GRIK1: variants seen among roughly 807,000 people sequenced by gnomAD.
GRIK1 encodes the protein glutamate receptor ionotropic, kainate 1.
In GRIK1, 69 loss-of-function variants were observed where a neutral mutation model predicts 105.7. The ratio of observed to expected loss-of-function variants is 0.65; its 90% CI spans 0.54 to 0.80. The LOEUF is 0.80. Among genes scored for constraint, GRIK1 ranks in the 30% least tolerant of loss-of-function variants. GRIK1 has a pLI of 0.00. For synonymous variants in GRIK1, 438 were observed against 431.3 expected, an observed-to-expected ratio of 1.02 and a Z score of -0.19; for missense variants, 1,109 against 1,167.3, an observed-to-expected ratio of 0.95 and a Z score of 0.73.
At chr21:29,759,274 T>C (rs958680784) in intron 1 of GRIK1, among the ~76,000 whole-genome samples, 1 of 151,894 alleles carries the variant, frequency 6.6e-6, no homozygotes, top group African/African-American at 2.4e-5. Flanking sequence ...CCCGCCACCA[T>C]GCCCGGCTAA....
intron 1 of GRIK1, among the ~76,000 whole-genome samples, chr21:29,795,701 C>A (rs2066536821): frequency 6.6e-6 from 1 of 152,216 alleles, no homozygotes; most frequent in Non-Finnish European, 1.5e-5. Flanking sequence ...CTTGACACTT[C>A]CTACACAGAA....
chr21:29,664,535 C>A lies in GRIK1; in HGVS notation c.726+8448G>T, dbSNP rs547286313. On this transcript the variant is annotated intron_variant, in intron 4 of 17. Coordinates refer to ENST00000327783, the MANE Select transcript of GRIK1 (RefSeq NM_001330994.2). ...AACCTTCACTAAATAATGATCTCGT[C>A]TAACACATTAGAGTTTTTAATGATA... Among the ~76,000 whole-genome samples, 5 of 152,044 alleles carry A rather than the reference C, an allele frequency of 3.3e-5. No homozygotes were observed. In the South Asian group the frequency reaches 1.0e-3, roughly 32 times the overall value.
chr21:29,691,264 T>C (rs2063579682), intron 2 of GRIK1, among the ~76,000 whole-genome samples: 2 of 152,206 alleles, frequency 1.3e-5, no homozygotes, highest in African/African-American at 4.8e-5. Flanking sequence ...TGAACTGAGA[T>C]AGCACCACAG....
At chr21:29,923,856 G>T (rs539247353) in intron 1 of GRIK1, among the ~76,000 whole-genome samples, 1 of 152,124 alleles carries the variant, frequency 6.6e-6, no homozygotes, top group Admixed American at 6.5e-5. Context: ...TATCTGAAAG[G>T]TTCAGAGGGG....
intron 14 of GRIK1, among the ~76,000 whole-genome samples, chr21:29,576,115 T>A (rs1013267143): frequency 1.3e-5 from 2 of 152,210 alleles, no homozygotes; most frequent in African/African-American, 4.8e-5. Context: ...TAATTTAGCT[T>A]CTGAAGGTTT....
chr21:29,887,453 C>T (rs972572199), intron 1 of GRIK1, among the ~76,000 whole-genome samples: 10 of 152,154 alleles, frequency 6.6e-5, no homozygotes, highest in African/African-American at 2.2e-4. Flanking sequence ...TAAGTAGTCA[C>T]CTGGTGATGT....
intron 1 of GRIK1, among the ~76,000 whole-genome samples, chr21:29,807,220 G>C (rs1295942836): frequency 2.0e-5 from 3 of 152,122 alleles, no homozygotes; most frequent in Non-Finnish European, 2.9e-5. Context: ...TATTTATGGA[G>C]AGCCAATGAT....
chr21:29,899,530 T>C (rs1341069629), intron 1 of GRIK1, among the ~76,000 whole-genome samples: 1 of 145,230 alleles, frequency 6.9e-6, no homozygotes, highest in Non-Finnish European at 1.5e-5. Context: ...TGATAAGGCA[T>C]GCTGCTTTAC....
At chr21:29,916,262 A>T (rs73898542) in intron 1 of GRIK1, among the ~76,000 whole-genome samples, 2 of 151,908 alleles carry the variant, frequency 1.3e-5, no homozygotes, top group Admixed American at 1.3e-4. Flanking sequence ...GTAAGAATGA[A>T]ATGAGATTAT....
chr21:29,563,481 G>GC (rs1456694933), intron 14 of GRIK1, among the ~76,000 whole-genome samples: 1 of 152,076 alleles, frequency 6.6e-6, no homozygotes, highest in African/African-American at 2.4e-5. Context: ...GTCATATTGG[G>GC]CCCCTGTGAG....
At chr21:29,550,831 G>T (rs969455293) in intron 16 of GRIK1, among the ~76,000 whole-genome samples, 2 of 152,082 alleles carry the variant, frequency 1.3e-5, no homozygotes, top group Non-Finnish European at 2.9e-5. Flanking sequence ...ATATTAACAG[G>T]ACTTTTATTA....
intron 6 of GRIK1, among the ~76,000 whole-genome samples, chr21:29,645,060 A>G (rs2062590360): frequency 6.6e-6 from 1 of 152,252 alleles, no homozygotes; most frequent in Admixed American, 6.5e-5. Flanking sequence ...TGATGATTTA[A>G]TAGTCACAAT....
intron 16 of GRIK1, among the ~76,000 whole-genome samples, chr21:29,547,123 A>G (rs1487161360): frequency 6.6e-6 from 1 of 152,090 alleles, no homozygotes; most frequent in Non-Finnish European, 1.5e-5. Context: ...GTCTTGTTTT[A>G]CCTGGTCTGT....
intron 1 of GRIK1, among the ~76,000 whole-genome samples, chr21:29,770,210 A>G (rs889797951): frequency 2.0e-5 from 3 of 152,226 alleles, no homozygotes; most frequent in Non-Finnish European, 4.4e-5. Context: ...GTATATATGA[A>G]TACTTCATCC....
chr21:29,727,586 G>C (rs756120909), intron 1 of GRIK1, among the ~76,000 whole-genome samples: 7 of 152,114 alleles, frequency 4.6e-5, no homozygotes, highest in African/African-American at 1.7e-4. Flanking sequence ...GTTTATAAAC[G>C]GGAGCAGGCG....
chr21:29,621,952 T>C (rs2062015082), intron 7 of GRIK1, among the ~76,000 whole-genome samples: 1 of 143,998 alleles, frequency 6.9e-6, no homozygotes, highest in Admixed American at 7.0e-5. Context: ...TTCTTTTTTC[T>C]TTTTTTTTTT....
chr21:29,619,585 C>G (rs1481908608), intron 7 of GRIK1, among the ~76,000 whole-genome samples: 1 of 101,576 alleles, frequency 9.8e-6, no homozygotes, highest in South Asian at 3.1e-4. Context: ...CACTAAATAA[C>G]TTACTTATGT....
intron 7 of GRIK1, among the ~76,000 whole-genome samples, chr21:29,617,915 T>C (rs1169921416): frequency 6.6e-6 from 1 of 152,252 alleles, no homozygotes; most frequent in African/African-American, 2.4e-5. Context: ...TATTGCTCCA[T>C]GCTCATTTGC....
At chr21:29,611,857 T>A (rs926543144) in intron 7 of GRIK1, among the ~76,000 whole-genome samples, 13 of 152,362 alleles carry the variant, frequency 8.5e-5, no homozygotes, top group African/African-American at 2.6e-4. Flanking sequence ...AAAAATTTTC[T>A]ATCATCACTA....
Sources: gnomAD v4.1 joint callset for allele counts (sites outside exome capture counted in the v4.1 genomes callset) on GRCh38, gnomAD v4.1.1 for gene constraint, MANE v1.5 for transcripts, NCBI Gene and HGNC (gene_info 2026-07-23, HGNC 2026-07-21) for gene names.